Variants in MSS51 observed in about 807,000 individuals in gnomAD.
The protein encoded by MSS51 is MSS51 mitochondrial translational activator.
Under a neutral mutation model 40.2 loss-of-function variants are expected in MSS51, and 32 were observed. The observed-to-expected ratio is 0.80, with a 90% CI of 0.60 to 1.07. The LOEUF (loss-of-function observed/expected upper bound fraction) is 1.07, where lower values mean the gene tolerates loss of function less well. Ranked by LOEUF, MSS51 falls within the 50% of genes least tolerant of loss-of-function variation. The pLI is 0.00. For synonymous variants in MSS51, 178 were observed against 214.2 expected (o/e 0.83, Z 1.48); for missense variants, 518 against 568.9 (o/e 0.91, Z 0.91).
chr10:73,430,976 A>G (rs184585033), intron 1 of MSS51, among the ~76,000 whole-genome samples: 2 of 152,326 alleles, frequency 1.3e-5, no homozygotes, highest in African/African-American at 4.8e-5. Flanking sequence ...ACACGCTACA[A>G]TGTAGAGGAA....
chr10:73,430,509 C>T (rs141545929), intron 1 of MSS51, among the ~76,000 whole-genome samples: 15 of 151,606 alleles, frequency 9.9e-5, no homozygotes, highest in Non-Finnish European at 2.1e-4. Context: ...GGACAATAAA[C>T]ACAAGAAAAT....
intron 3 of MSS51, 116 bp downstream of exon 3, chr10:73,427,497 C>T: frequency 8.8e-7 from 1 of 1,139,806 alleles, no homozygotes; most frequent in Non-Finnish European, 1.2e-6. Flanking sequence ...AGGTTGGCCT[C>T]ATGTGATCCA....
At position 73,428,237 on chromosome 10, in the gene MSS51, T is replaced by C. The variant is rs141622572; in HGVS notation, c.48A>G (p.Ser16=). The C allele has an allele frequency of 1.5e-4, 238 of 1,613,892 alleles. No individual in the cohort carries two copies. The highest frequency in any genetic ancestry group is 1.9e-4 in the Non-Finnish European group (223 of 1,179,974). ...RRRRHKKPPS[S]VAPIIMAPTT... ...TTGGGGCCATGATGATGGGAGCCAC[T>C]GATGAGGGAGGTTTCTTGTGCCTTC... The change falls in exon 2 of 7, where the codon TCA becomes TCG. Residue 16 remains serine (S), a synonymous_variant. Transcript: ENST00000299432.
At position 73,426,180 on chromosome 10, in the gene MSS51, G is replaced by A. The variant is rs370517277; in HGVS notation, c.700C>T (p.Arg234Trp). The A allele has an allele frequency of 4.2e-5, 68 of 1,614,088 alleles. No individual in the cohort carries two copies. Among genetic ancestry groups the A allele is most frequent in the African/African-American group, 8.0e-5 (6 of 74,928 alleles). The change falls in exon 5 of 7, where the codon CGG becomes TGG. Residue 234 changes from arginine to tryptophan, a missense_variant. By Grantham distance (101) the Arg-to-Trp change is moderately radical (BLOSUM62 -3). Transcript: ENST00000299432. ...CGTGACAGGACATCTGTCAGCAGCC[G>A]CTTCAAAGATCCCTGCAGGACATCC... is the stretch of plus-strand genomic sequence containing the variant. ...DPDVLQGSLK[R>W]LLTDVLSRPL...
At chr10:73,429,215 A>C (rs1367442483) in intron 1 of MSS51, among the ~76,000 whole-genome samples, 1 of 152,184 alleles carries the variant, frequency 6.6e-6, no homozygotes, top group Non-Finnish European at 1.5e-5. Flanking sequence ...TCAAAAAAAA[A>C]AGAAAACTGG....
chr10:73,429,391 T>C (rs1487371421), intron 1 of MSS51, among the ~76,000 whole-genome samples: 1 of 152,186 alleles, frequency 6.6e-6, no homozygotes, highest in Non-Finnish European at 1.5e-5. Context: ...GAAAAAGCAA[T>C]AGAAGTTTTA....
intron 3 of MSS51, 48 bp from the exon 4 acceptor site, chr10:73,426,779 G>C: frequency 6.3e-7 from 1 of 1,595,886 alleles, no homozygotes; most frequent in Non-Finnish European, 8.6e-7. Flanking sequence ...ATATGATTGG[G>C]GTTATCGGAG....
In MSS51 at chr10:73,424,599, T is replaced by G. The variant is rs1193109505; in HGVS notation, c.1337A>C (p.Gln446Pro). Residue 446 changes from glutamine (Q) to proline (P), a missense_variant, in exon 7 of 7, where the codon CAG becomes CCG. By Grantham distance (76) the Gln-to-Pro change is moderately conservative. Coordinates refer to ENST00000299432, the MANE Select transcript of MSS51 (RefSeq NM_001024593.2). ...YYIMFLGSSC[Q>P]LDNRQLEEKV... ...CTCTTCTAATTGCCTATTATCCAGC[T>G]GACAGGAGCTTCCAAGAAACATGAT... is the stretch of plus-strand genomic sequence containing the variant. 1.9e-6 allele frequency: 3 copies of G among 1,614,158 alleles called. No individual in the cohort carries two copies. Among genetic ancestry groups the G allele is most frequent in the Admixed American group, 1.7e-5 (1 of 60,004 alleles).
At position 73,424,633 on chromosome 10, in the gene MSS51, C is replaced by T. The variant is rs773669466; in HGVS notation, c.1303G>A (p.Ala435Thr). Residue 435 changes from alanine (A) to threonine (T), a missense_variant, in exon 7 of 7, where the codon GCA becomes ACA. Ala to Thr is a moderately conservative substitution (Grantham distance 58). Transcript: ENST00000299432. ...CTTCCAAGAAACATGATATAGTATG[C>T]ACTGCAGTATACTGGCTGCTTGTTG... ...SPNKQPVYCS[A>T]YYIMFLGSSC... The T allele has an allele frequency of 1.5e-5, 25 of 1,613,980 alleles. No individual in the cohort carries two copies. The highest frequency in any genetic ancestry group is 4.4e-5 in the South Asian group (4 of 91,082).
Position 73,425,813 on chromosome 10 carries a change from G to A in MSS51, c.1067C>T (p.Pro356Leu). 1 of 1,611,612 alleles carries A rather than the reference G, an allele frequency of 6.2e-7. No homozygotes were observed. Among genetic ancestry groups the A allele is most frequent in the East Asian group, 2.2e-5 (1 of 44,840 alleles). ...TCCCCTGAACCAATGACTCTTACCT[G>A]GATGGAATGCCGCCACCAAATCTGG... is the stretch of plus-strand genomic sequence containing the variant. ...HHPDLVAAFH[P>L]GFHSSPDLME... Residue 356 changes from proline to leucine, a missense_variant and splice_region_variant, in exon 5 of 7, where the codon CCA becomes CTA. Physicochemically the swap from Pro to Leu is moderately conservative, Grantham distance 98. Transcript: ENST00000299432.
Position 73,428,276 on chromosome 10 carries a change from T to TGG in MSS51, c.7_8dup (p.Arg4HisfsTer26), listed in dbSNP as rs1414666529. 6.2e-7 allele frequency: 1 copy of TGG among 1,611,744 alleles called. No homozygotes were observed. Among genetic ancestry groups the TGG allele is most frequent in the African/African-American group, 1.3e-5 (1 of 74,844 alleles). The stretch of plus-strand genomic sequence containing the variant: ...TCTTGTGCCTTCGTCGCCGGGACCG[T>TGG]GGAGCCATGGCCTGTCCAGTGATAC... On this transcript the variant is annotated frameshift_variant, in exon 2 of 7. Coordinates refer to ENST00000299432, the MANE Select transcript of MSS51 (RefSeq NM_001024593.2). LOFTEE classifies it high-confidence loss of function.
rs1344910265 is a variant in MSS51 at position 73,424,321 on chromosome 10, G to C, written c.*232C>G. On this transcript the variant is annotated 3_prime_UTR_variant, in exon 7 of 7. Transcript: ENST00000299432. ...GAACCCAGGAGGCGGAGGCTGCAGT[G>C]AGTCGAGATCATGCCGCTGCACTCC... 10 of 454,052 alleles carry C rather than the reference G, an allele frequency of 2.2e-5. No homozygotes were observed. Among genetic ancestry groups the C allele is most frequent in the African/African-American group, 2.0e-4 (10 of 50,650 alleles). The allele number at this position is 454,052 out of a possible 1,614,324, so 28.1% of individuals were successfully genotyped here.
At position 73,425,976 on chromosome 10, in the gene MSS51, C is replaced by G; in HGVS notation, c.904G>C (p.Gly302Arg). 6.2e-7 allele frequency: 1 copy of G among 1,614,178 alleles called. No homozygotes were observed. Among genetic ancestry groups the G allele is most frequent in the South Asian group, 1.1e-5 (1 of 91,084 alleles). Residue 302 changes from glycine (G) to arginine (R), a missense_variant, in exon 5 of 7, where the codon GGT becomes CGT. By Grantham distance (125) the Gly-to-Arg change is moderately radical. Transcript: ENST00000299432. Reference protein sequence around the residue: ...GHLGLRVVMVGVDVATGFSQS... With the variant: ...GHLGLRVVMVRVDVATGFSQS... ...GAAAAGCCAGTAGCTACATCTACAC[C>G]CACCATGACCACACGGAGTCCAAGG...
chr10:73,424,318 A>G lies in MSS51; in HGVS notation c.*235T>C. The G allele has an allele frequency of 2.2e-6, 1 of 447,390 alleles. No individual in the cohort carries two copies. Among genetic ancestry groups the G allele is most frequent in the Non-Finnish European group, 4.1e-6 (1 of 243,336 alleles). 27.7% of individuals were successfully genotyped at this position (447,390 alleles called of 1,614,324 possible). On this transcript the variant is annotated 3_prime_UTR_variant, in exon 7 of 7. Transcript: ENST00000299432. ...CTTGAACCCAGGAGGCGGAGGCTGC[A>G]GTGAGTCGAGATCATGCCGCTGCAC...
In MSS51 at chr10:73,427,632, C is replaced by A. The variant is rs369931723; in HGVS notation, c.358G>T (p.Val120Phe). The stretch of plus-strand genomic sequence containing the variant: ...AGTCACCTCTTACAGTGCCGGAGAA[C>A]CTTGGAGTCTGAAAGCCCACTAGGG... ...ALPSGLSDSK[V>F]LRHCKRCRNV... The change falls in exon 3 of 7, where the codon GTT becomes TTT. Residue 120 changes from valine to phenylalanine, a missense_variant. Transcript: ENST00000299432. 6.2e-7 allele frequency: 1 copy of A among 1,612,756 alleles called. No individual in the cohort carries two copies. The highest frequency in any genetic ancestry group is 8.5e-7 in the Non-Finnish European group (1 of 1,179,106).
chr10:73,426,457 C>T, intron 4 of MSS51, 80 bp from the exon 5 acceptor site: 1 of 1,574,114 alleles, frequency 6.4e-7, no homozygotes, highest in Non-Finnish European at 8.6e-7. Flanking sequence ...TCAATATTCC[C>T]TCCATGTTCA....
At position 73,425,891 on chromosome 10, in the gene MSS51, C is replaced by A. The variant is rs754956326; in HGVS notation, c.989G>T (p.Gly330Val). Residue 330 changes from glycine (G) to valine (V), a missense_variant, in exon 5 of 7, where the codon GGC becomes GTC. By Grantham distance (109) the Gly-to-Val change is moderately radical (BLOSUM62 -3). Transcript: ENST00000299432. ...PGTIQLSAHRGLYHDFWEEQV... is the reference protein window; with the variant it reads ...PGTIQLSAHRVLYHDFWEEQV... Reference sequence around the variant, plus strand: ...CTCCTCCCAGAAGTCATGGTAGAGGCCCCTGTGGGCACTAAGCTGAATTGT... The same window carrying A: ...CTCCTCCCAGAAGTCATGGTAGAGGACCCTGTGGGCACTAAGCTGAATTGT... The A allele has an allele frequency of 1.9e-6, 3 of 1,614,110 alleles. No individual in the cohort carries two copies. Among genetic ancestry groups the A allele is most frequent in the South Asian group, 2.2e-5 (2 of 91,080 alleles).
Position 73,427,597 on chromosome 10 carries a change from GC to G in MSS51, c.377+15del, listed in dbSNP as rs575195189. On this transcript the variant is annotated intron_variant, in intron 3 of 6. Coordinates refer to ENST00000299432, the MANE Select transcript of MSS51 (RefSeq NM_001024593.2). ...ATCATTTCTGAATGTCTCCCTATTAGCCCCCAACAAGTCACCTCTTACAGTG... is the reference window on the plus strand; with the variant it reads ...ATCATTTCTGAATGTCTCCCTATTAGCCCCAACAAGTCACCTCTTACAGTG... 120 of 1,596,464 alleles carry G rather than the reference GC, an allele frequency of 7.5e-5. No homozygotes were observed. The African/African-American group carries it at 1.3e-3, about 18-fold the overall frequency.
intron 2 of MSS51, 89 bp downstream of exon 2, chr10:73,427,975 T>C (rs1255308784): frequency 1.5e-6 from 2 of 1,303,628 alleles, no homozygotes; most frequent in Non-Finnish European, 2.2e-6. Context: ...AAATACTCCA[T>C]ATTCACCAAA....
Sources: gnomAD v4.1 joint callset for allele counts (sites outside exome capture counted in the v4.1 genomes callset) on GRCh38, gnomAD v4.1.1 for gene constraint, MANE v1.5 for transcripts, NCBI Gene and HGNC (gene_info 2026-07-23, HGNC 2026-07-21) for gene names.